The following GPBP1L1 variants were observed in gnomAD, a reference collection of about 807,000 sequenced individuals.
The protein encoded by GPBP1L1 is vasculin-like protein 1.
GPBP1L1 carries 23 observed loss-of-function variants against 52.5 expected under a neutral mutation model. The ratio of observed to expected loss-of-function variants is 0.44; its 90% CI spans 0.32 to 0.62. The LOEUF is 0.62. Ranked by LOEUF, GPBP1L1 falls within the 20% of genes least tolerant of loss-of-function variation. The probability of loss-of-function intolerance (pLI) is 0.06; values close to 1 mark genes in which losing one functional copy is unlikely to be tolerated. For missense variants in GPBP1L1, 596 were observed against 579.3 expected (o/e 1.03, Z -0.30); for synonymous variants, 243 against 203.1 (o/e 1.20, Z -1.67).
intron 2 of GPBP1L1, among the ~76,000 whole-genome samples, chr1:45,684,981 G>T (rs146792598): frequency 8.6e-4 from 130 of 151,786 alleles, no homozygotes; most frequent in African/African-American, 3.0e-3. Context: ...ATAGATACAG[G>T]CTTCAGCACC....
intron 8 of GPBP1L1, 125 bp downstream of exon 8, chr1:45,640,085 T>C: frequency 1.5e-6 from 1 of 657,800 alleles, no homozygotes; most frequent in South Asian, 2.0e-5. Context: ...GCTGTATACA[T>C]ATAACAGGTA....
At chr1:45,634,022 A>ATAT in intron 9 of GPBP1L1, 74 bp downstream of exon 9, 1 of 1,397,784 alleles carries the variant, frequency 7.2e-7, no homozygotes, top group Non-Finnish European at 9.9e-7. Flanking sequence ...ACAGCTATAC[A>ATAT]TATTACACTT....
rs145622556 is a variant in GPBP1L1 at position 45,644,529 on chromosome 1, A to T, written c.478-2030T>A. ...AAATCTCATTAGAAAAAAACCCCAA[A>T]ACTACTCATACTTATGGTGATCACT... is the stretch of plus-strand genomic sequence containing the variant. On this transcript the variant is annotated intron_variant, in intron 6 of 12. Transcript: ENST00000355105. Among the ~76,000 whole-genome samples the T allele has an allele frequency of 8.6e-5, 13 of 151,532 alleles. No individual in the cohort carries two copies. The East Asian group carries it at 2.5e-3, about 29-fold the overall frequency.
At chr1:45,682,761 T>C (rs1645226329) in intron 2 of GPBP1L1, among the ~76,000 whole-genome samples, 1 of 152,200 alleles carries the variant, frequency 6.6e-6, no homozygotes, top group Non-Finnish European at 1.5e-5. Context: ...AAAAATTCAA[T>C]TTACATAACA....
upstream of GPBP1L1, chr1:45,686,747 G>A (rs893815292): frequency 1.3e-5 from 2 of 152,128 alleles, no homozygotes; most frequent in Admixed American, 1.3e-4. Context: ...CCCCGCCCCC[G>A]GCTCCCTTCT....
chr1:45,667,225 T>A (rs1018116256), intron 2 of GPBP1L1, among the ~76,000 whole-genome samples: 1 of 152,172 alleles, frequency 6.6e-6, no homozygotes, highest in African/African-American at 2.4e-5. Flanking sequence ...AAAATTATAA[T>A]AAAGCAGTCA....
chr1:45,647,166 A>ATTTTTTTTTTT (rs778113669), intron 6 of GPBP1L1, among the ~76,000 whole-genome samples: 1 of 112,650 alleles, frequency 8.9e-6, no homozygotes, highest in East Asian at 2.5e-4. Flanking sequence ...ACTTCTTAGG[A>ATTTTTTTTTTT]TTTTTTTTTT....
chr1:45,629,106 T>C (rs1644495461), intron 12 of GPBP1L1, among the ~76,000 whole-genome samples: 1 of 152,226 alleles, frequency 6.6e-6, no homozygotes, highest in South Asian at 2.1e-4. Flanking sequence ...ATTTGTCTTG[T>C]TCACCCTAAG....
At chr1:45,655,491 C>T (rs1346528047) in intron 4 of GPBP1L1, 172 bp from the exon 5 acceptor site, 6 of 601,260 alleles carry the variant, frequency 1.0e-5, no homozygotes, top group Non-Finnish European at 1.4e-5. Context: ...TTAGAGAAGT[C>T]CTAGGTTATA....
rs937874457 is a variant in GPBP1L1, at chr1:45,661,102, C to G, written c.-974G>C. The G allele has an allele frequency of 1.3e-5, 2 of 152,174 alleles. No homozygotes were observed. Among genetic ancestry groups the G allele is most frequent in the Non-Finnish European group, 2.9e-5 (2 of 68,030 alleles). The allele number at this position is 152,174 out of a possible 1,614,324, so 9.4% of individuals were successfully genotyped here. On this transcript the variant is annotated 5_prime_UTR_variant, in exon 3 of 13. Coordinates refer to ENST00000355105, the MANE Select transcript of GPBP1L1 (RefSeq NM_021639.5). ...CACTTGTTCTGCTCCTTCCCAAAAT[C>G]TAAATTGAGCCACTGGAAGGAGATA... is the stretch of plus-strand genomic sequence containing the variant.
chr1:45,637,705 C>G (rs1188135611), intron 8 of GPBP1L1, among the ~76,000 whole-genome samples: 1 of 152,018 alleles, frequency 6.6e-6, no homozygotes, highest in African/African-American at 2.4e-5. Flanking sequence ...TTTCTGTAGT[C>G]CTGCAGAATG....
chr1:45,658,992 T>G, intron 4 of GPBP1L1, 36 bp downstream of exon 4: 1 of 1,397,226 alleles, frequency 7.2e-7, no homozygotes, highest in Non-Finnish European at 1.0e-6. Context: ...AACCCTCTCA[T>G]ATTTGAGAAG....
chr1:45,648,830 C>T (rs949675524), intron 6 of GPBP1L1, among the ~76,000 whole-genome samples: 1 of 152,086 alleles, frequency 6.6e-6, no homozygotes, highest in Non-Finnish European at 1.5e-5. Context: ...GAGTTTGAGA[C>T]CAGCCTGACC....
chr1:45,637,010 G>A (rs1022002581), intron 8 of GPBP1L1, among the ~76,000 whole-genome samples: 1 of 152,132 alleles, frequency 6.6e-6, no homozygotes, highest in African/African-American at 2.4e-5. Flanking sequence ...ATGTGTAAAA[G>A]CCCTAACCAA....
At chr1:45,656,669 CTT>C (rs531524977) in intron 4 of GPBP1L1, among the ~76,000 whole-genome samples, 88 of 139,668 alleles carry the variant, frequency 6.3e-4, no homozygotes, top group Non-Finnish European at 7.5e-4. Context: ...ATACATAAGC[CTT>C]TTTTTTTTTT....
chr1:45,650,432 C>CA (rs1557705050), intron 6 of GPBP1L1, among the ~76,000 whole-genome samples: 1 of 151,914 alleles, frequency 6.6e-6, no homozygotes, highest in African/African-American at 2.4e-5. Flanking sequence ...TTCAAAAAAG[C>CA]AAAAAACAAA....
At chr1:45,637,965 G>C (rs1408009473) in intron 8 of GPBP1L1, among the ~76,000 whole-genome samples, 2 of 152,226 alleles carry the variant, frequency 1.3e-5, no homozygotes, top group African/African-American at 4.8e-5. Flanking sequence ...AAGGACGTAA[G>C]ATGAAGAAGG....
At chr1:45,683,700 G>C (rs1201106062) in intron 2 of GPBP1L1, among the ~76,000 whole-genome samples, 1 of 144,314 alleles carries the variant, frequency 6.9e-6, no homozygotes, top group African/African-American at 2.6e-5. Context: ...CCCTGAGTTC[G>C]AGACCAGCTT....
chr1:45,643,658 CTTTTTTTTTT>C (rs113388167), intron 6 of GPBP1L1, among the ~76,000 whole-genome samples: 25 of 65,114 alleles, frequency 3.8e-4, no homozygotes, highest in South Asian at 2.1e-3. Context: ...AGGAGAATGG[CTTTTTTTTTT>C]TTTTTTTTTT....
Sources: allele counts gnomAD v4.1 joint callset (sites outside exome capture counted in the v4.1 genomes callset), GRCh38; gene constraint gnomAD v4.1.1; transcripts MANE v1.5; gene names NCBI Gene and HGNC (gene_info 2026-07-23, HGNC 2026-07-21).